AIF1L: variants seen among roughly 807,000 people sequenced by gnomAD.
The protein encoded by AIF1L is allograft inflammatory factor 1 like.
Under a neutral mutation model 20.7 loss-of-function variants are expected in AIF1L, and 12 were observed. The observed-to-expected ratio is 0.58, with a 90% CI of 0.37 to 0.94. The LOEUF is 0.94. AIF1L is among the 40% of genes least tolerant of loss of function. The probability of loss-of-function intolerance (pLI) is 0.01; values close to 1 mark genes in which losing one functional copy is unlikely to be tolerated. For synonymous variants in AIF1L, 76 were observed against 65.1 expected (o/e 1.17, Z -0.81); for missense variants, 173 against 185.3 (o/e 0.93, Z 0.39).
In AIF1L at chr9:131,121,046, CG is replaced by C. The variant is rs1564171028; in HGVS notation, c.*726del. ...CCCTTACTGGGGCAGCAGAGGGCTT[CG>C]GAGGCAGAAGTGAGGCCTGGGGTTT... On this transcript the variant is annotated 3_prime_UTR_variant, in exon 6 of 6. Transcript: ENST00000247291. 1 of 697,780 alleles carries C rather than the reference CG, an allele frequency of 1.4e-6. No individual in the cohort carries two copies. The highest frequency in any genetic ancestry group is 2.1e-5 in the Admixed American group (1 of 48,218). 43.2% of individuals were successfully genotyped at this position (697,780 alleles called of 1,614,324 possible).
rs777603425 is a variant in AIF1L, at chr9:131,114,629, C to G, written c.202+11C>G. The G allele has an allele frequency of 6.2e-7, 1 of 1,614,020 alleles. No homozygotes were observed. The highest frequency in any genetic ancestry group is 1.7e-5 in the Admixed American group (1 of 60,006). On this transcript the variant is annotated intron_variant, in intron 4 of 5. Transcript: ENST00000247291. ...ATGAAGGCGAGATTGGTGAGTGAAGCCTTGAGTGTGTTTAGGGAGGAGGGT... is the reference window on the plus strand; with the variant it reads ...ATGAAGGCGAGATTGGTGAGTGAAGGCTTGAGTGTGTTTAGGGAGGAGGGT...
chr9:131,102,773 G>T, intron 2 of AIF1L: 1 of 398,114 alleles, frequency 2.5e-6, no homozygotes, highest in Non-Finnish European at 5.0e-6. Flanking sequence ...TTGTGGCCTG[G>T]CCCTGGCCCT....
At chr9:131,102,943 C>T in intron 2 of AIF1L, 1 of 456,354 alleles carries the variant, frequency 2.2e-6, no homozygotes. Flanking sequence ...TACAGAAAGA[C>T]AAGCCTGGAG....
intron 4 of AIF1L, among the ~76,000 whole-genome samples, 169 bp from the exon 5 acceptor site, chr9:131,117,587 A>G (rs1184289442): frequency 6.6e-6 from 1 of 152,162 alleles, no homozygotes; most frequent in East Asian, 1.9e-4. Context: ...CCACTAGCCT[A>G]TACGGCCTCC....
chr9:131,118,576 T>G (rs1037299092), intron 5 of AIF1L, among the ~76,000 whole-genome samples: 1 of 150,796 alleles, frequency 6.6e-6, no homozygotes, highest in Non-Finnish European at 1.5e-5. Flanking sequence ...TTTTGAGATC[T>G]CGCTCTGTCA....
intron 4 of AIF1L, among the ~76,000 whole-genome samples, chr9:131,115,059 G>T (rs1047371789): frequency 2.6e-5 from 4 of 152,200 alleles, no homozygotes; most frequent in African/African-American, 4.8e-5. Context: ...TGGCACTTAC[G>T]TTCTGGTAGG....
intron 4 of AIF1L, among the ~76,000 whole-genome samples, chr9:131,117,130 G>T (rs1394633623): frequency 1.3e-5 from 2 of 152,150 alleles, no homozygotes; most frequent in African/African-American, 2.4e-5. Context: ...TGTTTTTCTT[G>T]AATTTTGTTC....
rs369116852 is a variant in AIF1L, at chr9:131,101,416, G to A, written c.93+4553G>A. On this transcript the variant is annotated intron_variant, in intron 2 of 5. Transcript: ENST00000247291. The stretch of plus-strand genomic sequence containing the variant: ...GGCTGAAGTGCAGTGGTGTGATCTC[G>A]GCTCACTGCAGTCTTGACCTCCTGG... Among the ~76,000 whole-genome samples the A allele has an allele frequency of 2.2e-4, 34 of 151,432 alleles. 1 individual carries two copies. The East Asian group carries it at 6.6e-3, about 30-fold the overall frequency.
chr9:131,102,331 G>A (rs1418930572), intron 2 of AIF1L, among the ~76,000 whole-genome samples: 1 of 152,164 alleles, frequency 6.6e-6, no homozygotes, highest in Non-Finnish European at 1.5e-5. Context: ...AGCAATGGGG[G>A]GCCTCTGAGA....
At chr9:131,098,054 C>T (rs565605945) in intron 2 of AIF1L, 3 of 152,668 alleles carry the variant, frequency 2.0e-5, no homozygotes, top group African/African-American at 4.8e-5. Context: ...CAGCAGAGCC[C>T]GAGAAGGCTG....
At chr9:131,118,549 CTT>C (rs111644082) in intron 5 of AIF1L, among the ~76,000 whole-genome samples, 1 of 139,252 alleles carries the variant, frequency 7.2e-6, no homozygotes, top group Non-Finnish European at 1.6e-5. Flanking sequence ...CTTAGTTTTC[CTT>C]TTTTTTTTTT....
At position 131,120,431 on chromosome 9, in the gene AIF1L, G is replaced by C. The variant is rs1831110975; in HGVS notation, c.*109G>C. On this transcript the variant is annotated 3_prime_UTR_variant, in exon 6 of 6. Transcript: ENST00000247291. ...TCTCTCTCATTTGTTTGGTCATTGA[G>C]GGTTTGTTTGTGTTTTCATCAATGT... 2 of 941,066 alleles carry C rather than the reference G, an allele frequency of 2.1e-6. No individual in the cohort carries two copies. The highest frequency in any genetic ancestry group is 3.3e-4 in the Middle Eastern group (1 of 3,032). The allele number at this position is 941,066 out of a possible 1,614,324, so 58.3% of individuals were successfully genotyped here.
intron 2 of AIF1L, among the ~76,000 whole-genome samples, chr9:131,098,427 G>A (rs1316072054): frequency 2.0e-5 from 3 of 152,296 alleles, no homozygotes; most frequent in East Asian, 1.9e-4. Flanking sequence ...GGCTGCTCTA[G>A]CCCTCTGGAC....
chr9:131,100,565 C>T (rs1015857515), intron 2 of AIF1L, among the ~76,000 whole-genome samples: 33 of 152,190 alleles, frequency 2.2e-4, no homozygotes, highest in African/African-American at 8.0e-4. Context: ...GCGTGTCCAC[C>T]CCCAGCTCCA....
At chr9:131,100,976 C>T (rs1193286752) in intron 2 of AIF1L, among the ~76,000 whole-genome samples, 1 of 152,148 alleles carries the variant, frequency 6.6e-6, no homozygotes, top group Non-Finnish European at 1.5e-5. Flanking sequence ...CGGCTCACTG[C>T]AACCTCCACC....
At chr9:131,118,181 C>A (rs1056670299) in intron 5 of AIF1L, among the ~76,000 whole-genome samples, 1 of 152,148 alleles carries the variant, frequency 6.6e-6, no homozygotes, top group East Asian at 1.9e-4. Flanking sequence ...CAACCTCCGC[C>A]TCCTGGGTTC....
intron 2 of AIF1L, among the ~76,000 whole-genome samples, chr9:131,109,434 C>T (rs1457587867): frequency 6.6e-6 from 1 of 152,170 alleles, no homozygotes; most frequent in Non-Finnish European, 1.5e-5. Flanking sequence ...TGGCACACTC[C>T]TGTAGTCCCA....
rs1178457041 is a variant in AIF1L at position 131,096,680 on chromosome 9, A to AGC, written c.31+21_31+22dup. On this transcript the variant is annotated intron_variant, in intron 1 of 5. Coordinates refer to ENST00000247291, the MANE Select transcript of AIF1L (RefSeq NM_031426.4). ...TCCAAGGTAGGCGCCGCCGTCCCCG[A>AGC]GCAGCCACCTGTGCGCGCCGGGCGG... 3.4e-6 allele frequency: 5 copies of AGC among 1,470,432 alleles called. No individual in the cohort carries two copies. Among genetic ancestry groups the AGC allele is most frequent in the Non-Finnish European group, 4.5e-6 (5 of 1,118,170 alleles). The allele number at this position is 1,470,432 out of a possible 1,614,324, so 91.1% of individuals were successfully genotyped here.
At chr9:131,111,566 C>G in intron 2 of AIF1L, 31 bp from the exon 3 acceptor site, 1 of 1,605,648 alleles carries the variant, frequency 6.2e-7, no homozygotes, top group Non-Finnish European at 8.5e-7. Flanking sequence ...TCCCCAGTCC[C>G]TTGCTCAGCA....
Sources: gnomAD v4.1 joint callset for allele counts (sites outside exome capture counted in the v4.1 genomes callset) on GRCh38, gnomAD v4.1.1 for gene constraint, MANE v1.5 for transcripts, NCBI Gene and HGNC (gene_info 2026-07-23, HGNC 2026-07-21) for gene names.